The following DHX33 variants were observed in gnomAD, a reference collection of about 807,000 sequenced individuals.
DHX33 encodes the protein ATP-dependent RNA helicase DHX33.
A neutral mutation model predicts 72.5 loss-of-function variants in DHX33; 42 were observed. The observed-to-expected ratio is 0.58, with a 90% CI of 0.45 to 0.75. The LOEUF (loss-of-function observed/expected upper bound fraction) is 0.75, where lower values mean the gene tolerates loss of function less well. Ranked by LOEUF, DHX33 falls within the 30% of genes least tolerant of loss-of-function variation. DHX33 has a pLI of 0.00. For missense variants in DHX33, 842 were observed against 917.5 expected, an observed-to-expected ratio of 0.92 and a Z score of 1.06; for synonymous variants, 358 against 366.1, an observed-to-expected ratio of 0.98 and a Z score of 0.25.
intron 4 of DHX33, among the ~76,000 whole-genome samples, chr17:5,457,604 C>G (rs1904381773): frequency 1.2e-5 from 1 of 82,270 alleles, no homozygotes; most frequent in African/African-American, 8.3e-5. Flanking sequence ...GAGACTCCAT[C>G]TCAAAAAAAA....
chr17:5,450,523 T>A, intron 9 of DHX33, 117 bp from the exon 10 acceptor site: 1 of 1,139,228 alleles, frequency 8.8e-7, no homozygotes, highest in Non-Finnish European at 1.3e-6. Context: ...CAGGTATTTC[T>A]AAAACCATGG....
At chr17:5,460,733 C>T (rs1439386551) in intron 4 of DHX33, among the ~76,000 whole-genome samples, 2 of 151,836 alleles carry the variant, frequency 1.3e-5, no homozygotes, top group African/African-American at 4.8e-5. Flanking sequence ...TCTTGAACTC[C>T]TGACCTCAGG....
At chr17:5,450,749 CT>C in intron 9 of DHX33, 57 bp downstream of exon 9, 1 of 1,610,566 alleles carries the variant, frequency 6.2e-7, no homozygotes, top group Non-Finnish European at 8.5e-7. Context: ...GATGGTACTA[CT>C]TTGGGACGGT....
intron 6 of DHX33, among the ~76,000 whole-genome samples, chr17:5,454,556 G>A (rs1452368474): frequency 2.6e-5 from 4 of 152,168 alleles, no homozygotes; most frequent in Middle Eastern, 3.4e-3. Flanking sequence ...TTTCACCTAC[G>A]TCATCACAAA....
At position 5,468,962 on chromosome 17, in the gene DHX33, TGGCGG is replaced by T; in HGVS notation, c.-108_-104del. On this transcript the variant is annotated 5_prime_UTR_variant, in exon 1 of 12. Coordinates refer to ENST00000225296, the MANE Select transcript of DHX33 (RefSeq NM_020162.4). ...CCGCCCCTTCCTCGCCGCCACGTGCTGGCGGCTCCCGGCGACCACCGATGACCTCA... is the reference window on the plus strand; with the variant it reads ...CCGCCCCTTCCTCGCCGCCACGTGCTCTCCCGGCGACCACCGATGACCTCA... 9.9e-7 allele frequency: 1 copy of T among 1,012,778 alleles called. No individual in the cohort carries two copies. Among genetic ancestry groups the T allele is most frequent in the Non-Finnish European group, 1.4e-6 (1 of 697,114 alleles). The allele number at this position is 1,012,778 out of a possible 1,614,324, so 62.7% of individuals were successfully genotyped here.
intron 2 of DHX33, among the ~76,000 whole-genome samples, chr17:5,463,152 T>TAC (rs962837654): frequency 5.3e-5 from 8 of 151,828 alleles, no homozygotes; most frequent in African/African-American, 1.7e-4. Flanking sequence ...GTGAAATGAG[T>TAC]ACACACACAC....
intron 8 of DHX33, 109 bp downstream of exon 8, chr17:5,453,471 A>C (rs1324819360): frequency 2.3e-6 from 2 of 864,590 alleles, no homozygotes; most frequent in Non-Finnish European, 3.8e-6. Flanking sequence ...CATCCACAAA[A>C]TTAAATAAAC....
At chr17:5,460,842 G>A (rs1282173226) in intron 4 of DHX33, 97 bp downstream of exon 4, 3 of 1,419,238 alleles carry the variant, frequency 2.1e-6, no homozygotes, top group Non-Finnish European at 2.9e-6. Flanking sequence ...TCACAAAGTT[G>A]TTTTATTCAG....
chr17:5,457,699 AT>A (rs1042421713), intron 4 of DHX33, among the ~76,000 whole-genome samples: 3 of 151,960 alleles, frequency 2.0e-5, no homozygotes, highest in Non-Finnish European at 2.9e-5. Context: ...AAAAATACGT[AT>A]TTTTTAATAT....
In DHX33 at chr17:5,442,603, C is replaced by G. The variant is rs994388501; in HGVS notation, c.*1602G>C. ...TGAGCCGGACTTGACATACACAACT[C>G]CGGACAGATGGGACCCTGGAATGGG... On this transcript the variant is annotated 3_prime_UTR_variant, in exon 12 of 12. Coordinates refer to ENST00000225296, the MANE Select transcript of DHX33 (RefSeq NM_020162.4). 1 of 152,132 alleles carries G rather than the reference C, an allele frequency of 6.6e-6. No individual in the cohort carries two copies. Among genetic ancestry groups the G allele is most frequent in the African/African-American group, 2.4e-5 (1 of 41,416 alleles). The allele number at this position is 152,132 out of a possible 1,614,324, so 9.4% of individuals were successfully genotyped here. A position where few individuals can be genotyped will look rare whatever the true frequency, so the allele number is the denominator to read the frequency against.
At chr17:5,453,753 T>C (rs1917060508) in intron 7 of DHX33, 68 bp downstream of exon 7, 4 of 1,612,638 alleles carry the variant, frequency 2.5e-6, no homozygotes, top group Non-Finnish European at 3.4e-6. Context: ...GAGTAAAAAC[T>C]GCAGCTCTGG....
intron 5 of DHX33, 34 bp from the exon 6 acceptor site, chr17:5,455,305 G>T (rs770334730): frequency 6.4e-7 from 1 of 1,551,092 alleles, no homozygotes; most frequent in Non-Finnish European, 8.9e-7. Flanking sequence ...AAGCCGCATT[G>T]ACACACGGAT....
At position 5,468,641 on chromosome 17, in the gene DHX33, A is replaced by G. The variant is rs373515991; in HGVS notation, c.219T>C (p.Ser73=). The G allele has an allele frequency of 1.6e-4, 265 of 1,612,034 alleles. No individual in the cohort carries two copies. Among genetic ancestry groups the G allele is most frequent in the Admixed American group, 2.5e-4 (15 of 59,914 alleles). ...YPEAVELQRR[S]LPIFQARGQL... ...GCCCCCGCGCTTGGAAGATGGGCAG[A>G]CTCCGGCGCTGCAGCTCCACAGCTT... The change falls in exon 1 of 12, where the codon AGT becomes AGC. Residue 73 remains serine (S), a synonymous_variant. Transcript: ENST00000225296.
At chr17:5,468,219 C>T (rs370451239) in intron 1 of DHX33, among the ~76,000 whole-genome samples, 2 of 152,188 alleles carry the variant, frequency 1.3e-5, no homozygotes, top group Non-Finnish European at 2.9e-5. Flanking sequence ...AACGGGCTTT[C>T]CCCCCTGCCT....
chr17:5,447,208 G>A (rs910437861), intron 11 of DHX33, among the ~76,000 whole-genome samples: 3 of 152,222 alleles, frequency 2.0e-5, no homozygotes, highest in African/African-American at 7.2e-5. Context: ...CTCTAAGAGG[G>A]AATAAAAAGC....
intron 11 of DHX33, among the ~76,000 whole-genome samples, chr17:5,445,602 A>C (rs1436085275): frequency 3.9e-5 from 6 of 152,204 alleles, no homozygotes; most frequent in African/African-American, 1.4e-4. Flanking sequence ...TGAACAAACC[A>C]GTGGTACACA....
rs552085091 is a variant in DHX33 at position 5,444,480 on chromosome 17, C to T, written c.1849G>A (p.Val617Met). The T allele has an allele frequency of 4.2e-5, 67 of 1,614,142 alleles. No individual in the cohort carries two copies. Among genetic ancestry groups the T allele is most frequent in the Admixed American group, 2.3e-4 (14 of 60,024 alleles). The part of the protein sequence containing the change: ...SMPIASSRGD[V>M]ESVRRCLAHS... ...GCCAGGCAGCGGCGGACACTCTCCA[C>T]GTCTCCTCGGGATGATGCGATTGGC... The change falls in exon 12 of 12, where the codon GTG becomes ATG. Residue 617 changes from valine (V) to methionine (M), a missense_variant. Physicochemically the swap from Val to Met is conservative, Grantham distance 21. Coordinates refer to ENST00000225296, the MANE Select transcript of DHX33 (RefSeq NM_020162.4). This position sits in a 1 kb window ranked among gnomAD's most constrained non-coding sequence, Gnocchi z 4.9.
At chr17:5,459,342 G>A (rs1331972193) in intron 4 of DHX33, among the ~76,000 whole-genome samples, 1 of 151,902 alleles carries the variant, frequency 6.6e-6, no homozygotes, top group Non-Finnish European at 1.5e-5. Context: ...TGAAGTAAAT[G>A]TTTAATAAAA....
chr17:5,460,012 T>C (rs995028829), intron 4 of DHX33, among the ~76,000 whole-genome samples: 3 of 148,566 alleles, frequency 2.0e-5, no homozygotes, highest in African/African-American at 7.4e-5. Flanking sequence ...AAAGAAAAAG[T>C]ACCTTTTTTT....
Sources: gnomAD v4.1 joint callset for allele counts (sites outside exome capture counted in the v4.1 genomes callset) on GRCh38, gnomAD v4.1.1 for gene constraint, Gnocchi (gnomAD v3.1) non-coding constraint, MANE v1.5 for transcripts, NCBI Gene and HGNC (gene_info 2026-07-23, HGNC 2026-07-21) for gene names.